The following USP34 variants were observed in gnomAD, a reference collection of about 807,000 sequenced individuals.
The protein encoded by USP34 is ubiquitin specific peptidase 34.
In USP34, 70 loss-of-function variants were observed where a neutral mutation model predicts 460.3. That is an observed-to-expected ratio of 0.15 (90% confidence interval 0.13 to 0.19). The LOEUF is 0.19. Ranked by LOEUF, USP34 falls within the 10% of genes least tolerant of loss-of-function variation. USP34 has a pLI of 1.00. For missense variants in USP34, 3,985 were observed against 4,236.2 expected, an observed-to-expected ratio of 0.94 and a Z score of 1.65; for synonymous variants, 1,647 against 1,405.3, an observed-to-expected ratio of 1.17 and a Z score of -3.85.
At chr2:61,425,830 C>G (rs1219464121) in intron 1 of USP34, among the ~76,000 whole-genome samples, 1 of 152,030 alleles carries the variant, frequency 6.6e-6, no homozygotes, top group Non-Finnish European at 1.5e-5. Flanking sequence ...ATCACCCCTT[C>G]CCCTCGACAG....
chr2:61,331,522 G>A, intron 19 of USP34, 151 bp from the exon 20 acceptor site: 1 of 547,620 alleles, frequency 1.8e-6, no homozygotes, highest in East Asian at 3.2e-5. Context: ...TATTTGAATG[G>A]TGAAAAGATA....
Position 61,300,953 on chromosome 2 carries a change from C to T in USP34, c.4126G>A (p.Glu1376Lys), listed in dbSNP as rs1012403607. The T allele has an allele frequency of 4.4e-6, 7 of 1,604,714 alleles. No homozygotes were observed. Among genetic ancestry groups the T allele is most frequent in the Non-Finnish European group, 5.1e-6 (6 of 1,174,960 alleles). Residue 1376 changes from glutamate (E) to lysine (K), a missense_variant and splice_region_variant, in exon 29 of 80, where the codon GAG becomes AAG. Around this residue, in one of 14 missense-constraint regions of USP34, gnomAD observed 1,114 missense variants for 1,122.5 expected, o/e 0.99. Coordinates refer to ENST00000398571, the MANE Select transcript of USP34 (RefSeq NM_014709.4). ...PSGKVAVDDS[E>K]SLRCEELHLH... Reference sequence around the variant, plus strand: ...TTGTGAAAATGAAACATAGTCACCTCACTATCATCCACTGCCACTTTTCCT... The same window carrying T: ...TTGTGAAAATGAAACATAGTCACCTTACTATCATCCACTGCCACTTTTCCT...
chr2:61,442,578 G>C (rs1694996288), intron 1 of USP34, among the ~76,000 whole-genome samples: 1 of 152,012 alleles, frequency 6.6e-6, no homozygotes, highest in South Asian at 2.1e-4. Context: ...CCCCAGTTAG[G>C]ATAGCTATTA....
intron 20 of USP34, 140 bp from the exon 21 acceptor site, chr2:61,325,597 C>G (rs536611290): frequency 2.2e-6 from 1 of 459,366 alleles, no homozygotes; most frequent in Non-Finnish European, 3.7e-6. Context: ...TTTGGTTACA[C>G]GAAAGAAGTT....
chr2:61,204,218 A>G (rs775180843), intron 74 of USP34, 38 bp downstream of exon 74: 30 of 1,613,514 alleles, frequency 1.9e-5, no homozygotes, highest in Admixed American at 3.3e-5. Context: ...ATTACTTTGT[A>G]CTATAGCAAC....
At chr2:61,401,360 C>G (rs1246817670) in intron 3 of USP34, among the ~76,000 whole-genome samples, 1 of 151,290 alleles carries the variant, frequency 6.6e-6, no homozygotes, top group Non-Finnish European at 1.5e-5. Context: ...GCCTCAGCCT[C>G]CCAAGTAGCT....
intron 10 of USP34, among the ~76,000 whole-genome samples, chr2:61,369,777 T>A (rs1900573): frequency 3.4e-5 from 5 of 148,266 alleles, no homozygotes; most frequent in African/African-American, 4.9e-5. Flanking sequence ...AAAAAAAAAG[T>A]CAAAGCCACA....
chr2:61,458,142 T>C (rs137880332), intron 1 of USP34, among the ~76,000 whole-genome samples: 126 of 152,262 alleles, frequency 8.3e-4, no homozygotes, highest in African/African-American at 2.3e-3. Flanking sequence ...GTTGTAAACA[T>C]AGAAATACAT....
chr2:61,422,169 T>G (rs1694381878), intron 1 of USP34, among the ~76,000 whole-genome samples: 1 of 152,196 alleles, frequency 6.6e-6, no homozygotes. Flanking sequence ...AGTTGGGGCC[T>G]AAGATGAAGC....
chr2:61,387,318 AG>A lies in USP34; in HGVS notation c.754-3983del, dbSNP rs528225001. Among the ~76,000 whole-genome samples the A allele has an allele frequency of 1.2e-4, 18 of 151,966 alleles. 1 individual carries two copies. In the South Asian group the frequency reaches 2.1e-3, roughly 18 times the overall value. On this transcript the variant is annotated intron_variant, in intron 5 of 79. Coordinates refer to ENST00000398571, the MANE Select transcript of USP34 (RefSeq NM_014709.4). ...TCTCTACTAAAAGTACAAAAAATTTAGCCAGGCTTGGTAGTAGGTTCCTGCA... is the reference window on the plus strand; with the variant it reads ...TCTCTACTAAAAGTACAAAAAATTTACCAGGCTTGGTAGTAGGTTCCTGCA...
At chr2:61,215,394 C>T (rs953207441) in intron 67 of USP34, among the ~76,000 whole-genome samples, 1 of 152,086 alleles carries the variant, frequency 6.6e-6, no homozygotes, top group Non-Finnish European at 1.5e-5. Context: ...ATGCTAATTA[C>T]AGAACATTAA....
chr2:61,218,829 C>G (rs1687476891), intron 67 of USP34, among the ~76,000 whole-genome samples: 1 of 152,116 alleles, frequency 6.6e-6, no homozygotes, highest in South Asian at 2.1e-4. Flanking sequence ...TGCCATCACG[C>G]CATATCAAGG....
rs896019156 is a variant in USP34, at chr2:61,470,755, G to A, written c.-63C>T. ...CACACTGACTGATCCCGACCGGCGG[G>A]GGGGAGGGGAGAGAGGCGGAGGAGG... is the stretch of plus-strand genomic sequence containing the variant. On this transcript the variant is annotated 5_prime_UTR_variant, in exon 1 of 80. Coordinates refer to ENST00000398571, the MANE Select transcript of USP34 (RefSeq NM_014709.4). 15 of 1,463,412 alleles carry A rather than the reference G, an allele frequency of 1.0e-5. No individual in the cohort carries two copies. Among genetic ancestry groups the A allele is most frequent in the Admixed American group, 1.9e-5 (1 of 53,936 alleles). 90.7% of individuals were successfully genotyped at this position (1,463,412 alleles called of 1,614,324 possible).
In USP34 at chr2:61,414,244, T is replaced by A. The variant is rs558495587; in HGVS notation, c.131+6502A>T. 2.9e-4 allele frequency among the ~76,000 whole-genome samples: 43 copies of A among 149,008 alleles called. 1 individual carries two copies. In the South Asian group the frequency reaches 9.0e-3, roughly 31 times the overall value. On this transcript the variant is annotated intron_variant, in intron 2 of 79. Coordinates refer to ENST00000398571, the MANE Select transcript of USP34 (RefSeq NM_014709.4). Reference sequence around the variant, plus strand: ...GCCTGGGCTACAGAGGGAGACTCCATCTCTATAAAATAAATAAATAAATAA... The same window carrying A: ...GCCTGGGCTACAGAGGGAGACTCCAACTCTATAAAATAAATAAATAAATAA...
intron 76 of USP34, chr2:61,191,246 T>G (rs1055533930): frequency 2.0e-5 from 3 of 152,334 alleles, no homozygotes; most frequent in Admixed American, 6.5e-5. Context: ...TTACTAAAAT[T>G]TGGTTTTCCT....
chr2:61,261,887 G>A (rs986707743), intron 43 of USP34, among the ~76,000 whole-genome samples: 1 of 151,296 alleles, frequency 6.6e-6, no homozygotes, highest in Non-Finnish European at 1.5e-5. Flanking sequence ...GGGGGATCAC[G>A]AGGTCAGGAG....
In USP34 at chr2:61,367,995, G is replaced by GA. The variant is rs543392953; in HGVS notation, c.1251+2325dup. 6.1e-4 allele frequency among the ~76,000 whole-genome samples: 93 copies of GA among 152,162 alleles called. 1 individual carries two copies. The highest frequency in any genetic ancestry group is 2.0e-3 in the African/African-American group (83 of 41,530). ...TTACAAAGAGGCAAGTAAAAATAAAGAAAAAAATTAGTATAAACTCGATGA... is the reference window on the plus strand; with the variant it reads ...TTACAAAGAGGCAAGTAAAAATAAAGAAAAAAAATTAGTATAAACTCGATGA... On this transcript the variant is annotated intron_variant, in intron 10 of 79. Coordinates refer to ENST00000398571, the MANE Select transcript of USP34 (RefSeq NM_014709.4).
intron 53 of USP34, among the ~76,000 whole-genome samples, chr2:61,237,393 C>A (rs1053229756): frequency 6.6e-6 from 1 of 152,090 alleles, no homozygotes; most frequent in Non-Finnish European, 1.5e-5. Context: ...AATGGCCTAA[C>A]TACTGGTCAA....
At chr2:61,261,406 T>G (rs1352980802) in intron 43 of USP34, among the ~76,000 whole-genome samples, 1 of 152,100 alleles carries the variant, frequency 6.6e-6, no homozygotes, top group Non-Finnish European at 1.5e-5. Flanking sequence ...TCACAGCCAG[T>G]CACAAAAAGA....
Sources: gnomAD v4.1 joint callset for allele counts (sites outside exome capture counted in the v4.1 genomes callset) on GRCh38, gnomAD v4.1.1 for gene constraint, gnomAD v4.1.1 regional missense constraint, MANE v1.5 for transcripts, NCBI Gene and HGNC (gene_info 2026-07-23, HGNC 2026-07-21) for gene names.